C9: variants seen among roughly 807,000 people sequenced by gnomAD.
C9 encodes complement C9.
Under a neutral mutation model 65.4 loss-of-function variants are expected in C9, and 63 were observed. The observed-to-expected ratio is 0.96, with a 90% CI of 0.79 to 1.19. The LOEUF is 1.19. C9 is among the 50% of genes most tolerant of loss of function. The probability of loss-of-function intolerance (pLI) is 0.00; values close to 1 mark genes in which losing one functional copy is unlikely to be tolerated. For synonymous variants in C9, 229 were observed against 227.9 expected, an observed-to-expected ratio of 1.00 and a Z score of -0.04; for missense variants, 744 against 670.1, an observed-to-expected ratio of 1.11 and a Z score of -1.22.
chr5:39,358,611 G>A lies in C9; in HGVS notation c.77+5777C>T, dbSNP rs368662069. On this transcript the variant is annotated intron_variant, in intron 1 of 10. Coordinates refer to ENST00000263408, the MANE Select transcript of C9 (RefSeq NM_001737.5). ...GGGGAGTGGACAAAAATGGAGGCAG[G>A]CAAGAAATAATAGTGATTTGGGCTG... Among the ~76,000 whole-genome samples, 17 of 152,266 alleles carry A rather than the reference G, an allele frequency of 1.1e-4. 1 individual carries two copies. The highest frequency in any genetic ancestry group is 3.9e-4 in the East Asian group (2 of 5,170).
At chr5:39,303,281 A>G (rs1753313804) in intron 9 of C9, among the ~76,000 whole-genome samples, 1 of 152,074 alleles carries the variant, frequency 6.6e-6, no homozygotes, top group Non-Finnish European at 1.5e-5. Context: ...GCTGAAGACC[A>G]TGACAAAAGT....
intron 7 of C9, among the ~76,000 whole-genome samples, chr5:39,310,552 T>C (rs1753463299): frequency 2.0e-5 from 3 of 152,076 alleles, no homozygotes; most frequent in South Asian, 4.1e-4. Context: ...CTTTTCCCCA[T>C]GATTTCCCCA....
chr5:39,293,705 A>C (rs1753135814), intron 9 of C9, among the ~76,000 whole-genome samples: 1 of 152,010 alleles, frequency 6.6e-6, no homozygotes, highest in South Asian at 2.1e-4. Flanking sequence ...AGACCAAATG[A>C]ACCTAACAGA....
At chr5:39,306,162 CAAAAAAAAAAAAAA>C (rs541310785) in intron 9 of C9, among the ~76,000 whole-genome samples, 1 of 102,010 alleles carries the variant, frequency 9.8e-6, no homozygotes, top group Non-Finnish European at 1.9e-5. Context: ...GACTCTGTCT[CAAAAAAAAAAAAAA>C]AAAAAAAGAC....
intron 6 of C9, among the ~76,000 whole-genome samples, chr5:39,314,997 A>G (rs1376735451): frequency 1.3e-5 from 2 of 152,210 alleles, no homozygotes; most frequent in Non-Finnish European, 2.9e-5. Flanking sequence ...ATAGGTCACA[A>G]TTAAATATTT....
intron 9 of C9, among the ~76,000 whole-genome samples, chr5:39,300,982 A>T (rs1017254304): frequency 1.3e-5 from 2 of 152,090 alleles, no homozygotes; most frequent in African/African-American, 4.8e-5. Flanking sequence ...AATATTGTAG[A>T]TCTAAATATA....
intron 5 of C9, among the ~76,000 whole-genome samples, chr5:39,320,182 C>T (rs1753642450): frequency 6.6e-6 from 1 of 152,110 alleles, no homozygotes; most frequent in African/African-American, 2.4e-5. Context: ...TGGAAATTTA[C>T]AAACTGCCTG....
At chr5:39,285,293 T>C in intron 10 of C9, 60 bp from the exon 11 acceptor site, 1 of 1,346,498 alleles carries the variant, frequency 7.4e-7, no homozygotes, top group Non-Finnish European at 1.1e-6. Flanking sequence ...TTTGGGTCCA[T>C]CCACCCATCC....
At position 39,331,954 on chromosome 5, in the gene C9, G is replaced by A. The variant is rs556125686; in HGVS notation, c.477-140C>T. On this transcript the variant is annotated intron_variant, in intron 4 of 10. Transcript: ENST00000263408. ...GTGTGTGCTATAATCAGGAACAGAA[G>A]CAAGAGCCTGTTCACCTTGGCTCAG... is the stretch of plus-strand genomic sequence containing the variant. 1.0e-5 allele frequency: 8 copies of A among 793,902 alleles called. No individual in the cohort carries two copies. The East Asian group carries it at 2.0e-4, about 20-fold the overall frequency. The allele number at this position is 793,902 out of a possible 1,614,324, so 49.2% of individuals were successfully genotyped here. A position where few individuals can be genotyped will look rare whatever the true frequency, so the allele number is the denominator to read the frequency against.
intron 1 of C9, among the ~76,000 whole-genome samples, chr5:39,355,794 G>A (rs1276988912): frequency 1.3e-5 from 2 of 152,170 alleles, no homozygotes; most frequent in Non-Finnish European, 2.9e-5. Flanking sequence ...CTCCTTCTGA[G>A]GTCCCACTCC....
chr5:39,289,336 C>T (rs2111837446), intron 9 of C9, among the ~76,000 whole-genome samples: 1 of 151,846 alleles, frequency 6.6e-6, no homozygotes, highest in East Asian at 1.9e-4. Flanking sequence ...TCCTTCTCTT[C>T]CAGAAGGTAA....
At chr5:39,356,814 A>G (rs999554305) in intron 1 of C9, among the ~76,000 whole-genome samples, 4 of 152,122 alleles carry the variant, frequency 2.6e-5, no homozygotes, top group African/African-American at 9.7e-5. Context: ...CACTTAACTC[A>G]CTCAGCAGAT....
intron 9 of C9, among the ~76,000 whole-genome samples, chr5:39,298,182 A>G (rs971294448): frequency 1.3e-5 from 2 of 151,672 alleles, no homozygotes; most frequent in Non-Finnish European, 3.0e-5. Flanking sequence ...TTAAAGGTCA[A>G]TTTACAGCAC....
intron 5 of C9, among the ~76,000 whole-genome samples, chr5:39,321,791 C>T (rs929685146): frequency 4.6e-5 from 7 of 151,944 alleles, no homozygotes; most frequent in African/African-American, 1.7e-4. Context: ...ATGAAGGGGT[C>T]AATTTTGTCA....
intron 1 of C9, among the ~76,000 whole-genome samples, chr5:39,348,792 C>A (rs1452673771): frequency 2.6e-5 from 4 of 152,076 alleles, no homozygotes; most frequent in African/African-American, 9.7e-5. Flanking sequence ...CAATGATAGA[C>A]TGGATTAAGA....
intron 1 of C9, among the ~76,000 whole-genome samples, chr5:39,360,866 T>C (rs1579886944): frequency 6.6e-6 from 1 of 152,074 alleles, no homozygotes; most frequent in African/African-American, 2.4e-5. Flanking sequence ...ATAATACAAA[T>C]AGGGCAATTT....
At position 39,341,455 on chromosome 5, in the gene C9, G is replaced by A. The variant is rs985033294; in HGVS notation, c.328+101C>T. On this transcript the variant is annotated intron_variant, in intron 3 of 10. Transcript: ENST00000263408. ...GATGGCCTCTTTTGGGGCCTTTCAC[G>A]CTTGGAAATCCAAGTGTCCAGAAGC... 1.6e-5 allele frequency: 24 copies of A among 1,487,604 alleles called. No individual in the cohort carries two copies. The East Asian group carries it at 3.6e-4, about 22-fold the overall frequency. 92.2% of individuals were successfully genotyped at this position (1,487,604 alleles called of 1,614,324 possible). A position where few individuals can be genotyped will look rare whatever the true frequency, so the allele number is the denominator to read the frequency against.
chr5:39,341,425 A>G, intron 3 of C9, 131 bp downstream of exon 3: 4 of 1,415,642 alleles, frequency 2.8e-6, no homozygotes, highest in Non-Finnish European at 4.0e-6. Flanking sequence ...TGTACAGAAT[A>G]TATAGATGGC....
In C9 at chr5:39,315,910, G is replaced by A. The variant is rs757923990; in HGVS notation, c.735C>T (p.Pro245=). ...ATTGTTCAGCTTTATTTGTTTCAGTGGGTGTAAATTTTAGAGATATAGCTG... is the reference window on the plus strand; with the variant it reads ...ATTGTTCAGCTTTATTTGTTTCAGTAGGTGTAAATTTTAGAGATATAGCTG... ...FNAAISLKFT[P]TETNKAEQCC... is the part of the protein sequence containing the mutation. Residue 245 remains proline (P), a synonymous_variant, in exon 6 of 11, where the codon CCC becomes CCT. Coordinates refer to ENST00000263408, the MANE Select transcript of C9 (RefSeq NM_001737.5). 1.9e-5 allele frequency: 30 copies of A among 1,612,532 alleles called. No individual in the cohort carries two copies. The highest frequency in any genetic ancestry group is 2.5e-5 in the Non-Finnish European group (29 of 1,178,884).
Sources: gnomAD v4.1 joint callset for allele counts (sites outside exome capture counted in the v4.1 genomes callset) on GRCh38, gnomAD v4.1.1 for gene constraint, MANE v1.5 for transcripts, NCBI Gene and HGNC (gene_info 2026-07-23, HGNC 2026-07-21) for gene names.